KIZ: variants seen among roughly 807,000 people sequenced by gnomAD.
KIZ encodes kizuna centrosomal protein.
In KIZ, 68 loss-of-function variants were observed where a neutral mutation model predicts 79.6. The ratio of observed to expected loss-of-function variants is 0.85; its 90% confidence interval spans 0.70 to 1.05. KIZ has a LOEUF of 1.05. Among genes scored for constraint, KIZ ranks in the 50% least tolerant of loss-of-function variants. The probability of loss-of-function intolerance (pLI) is 0.00; values close to 1 mark genes in which losing one functional copy is unlikely to be tolerated. For synonymous variants in KIZ, 280 were observed against 281.8 expected, an observed-to-expected ratio of 0.99 and a Z score of 0.06; for missense variants, 797 against 800.4, an observed-to-expected ratio of 1.00 and a Z score of 0.05.
Position 21,145,643 on chromosome 20 carries a change from G to A in KIZ, c.394G>A (p.Asp132Asn), listed in dbSNP as rs1319541120. 41 of 1,486,548 alleles carry A rather than the reference G, an allele frequency of 2.8e-5. No homozygotes were observed. Among genetic ancestry groups the A allele is most frequent in the Non-Finnish European group, 3.5e-5 (38 of 1,096,704 alleles). The allele number at this position is 1,486,548 out of a possible 1,614,324, so 92.1% of individuals were successfully genotyped here. The change falls in exon 4 of 13, where the codon GAC becomes AAC. Residue 132 changes from aspartate to asparagine, a missense_variant. By Grantham distance (23) the Asp-to-Asn change is conservative. Coordinates refer to ENST00000619189, the MANE Select transcript of KIZ (RefSeq NM_018474.6). ...ACTAAAAGAGGAACTGACAGATGAA[G>A]ACAGAGAAAAGGTAATAAACTAAAT... is the stretch of plus-strand genomic sequence containing the variant. ...LGLKEELTDE[D>N]REKVAVHEGI...
At chr20:21,126,028 C>G, upstream of KIZ, 2 of 1,358,082 alleles carry the variant, frequency 1.5e-6, no homozygotes, top group African/African-American at 1.5e-5. Flanking sequence ...CGGTGTTTAC[C>G]CGCGGTGCAT....
chr20:21,127,338 C>T (rs967933608), intron 1 of KIZ, among the ~76,000 whole-genome samples: 1 of 152,182 alleles, frequency 6.6e-6, no homozygotes, highest in Non-Finnish European at 1.5e-5. Context: ...TGTTTCAACC[C>T]ATTCCCTAAC....
At chr20:21,215,464 A>C in intron 8 of KIZ, 119 bp from the exon 9 acceptor site, 1 of 492,564 alleles carries the variant, frequency 2.0e-6, no homozygotes, top group Non-Finnish European at 3.7e-6. Flanking sequence ...GTATTGTTTC[A>C]GACAAGAAAT....
chr20:21,128,629 A>C (rs1050902623), intron 1 of KIZ, among the ~76,000 whole-genome samples: 1 of 152,214 alleles, frequency 6.6e-6, no homozygotes, highest in African/African-American at 2.4e-5. Context: ...TTTTTTCTGC[A>C]TTGTGGTGAA....
intron 9 of KIZ, among the ~76,000 whole-genome samples, chr20:21,221,682 G>A (rs1450558033): frequency 6.6e-6 from 1 of 152,178 alleles, no homozygotes; most frequent in East Asian, 1.9e-4. Context: ...CTTTCCAGGA[G>A]GTCAGTATAG....
chr20:21,230,266 G>A (rs1385763411), intron 10 of KIZ, among the ~76,000 whole-genome samples: 2 of 152,206 alleles, frequency 1.3e-5, no homozygotes, highest in Non-Finnish European at 2.9e-5. Context: ...CTTGAGGCCA[G>A]GAGTGCGAGA....
chr20:21,213,889 C>T (rs1043887883), intron 7 of KIZ: 1 of 152,102 alleles, frequency 6.6e-6, no homozygotes, highest in African/African-American at 2.4e-5. Flanking sequence ...GGTGAGTTTC[C>T]CCAGATCCCC....
At chr20:21,163,182 T>C (rs780426554) in intron 6 of KIZ, 23 bp downstream of exon 6, 62 of 1,514,560 alleles carry the variant, frequency 4.1e-5, no homozygotes, top group Non-Finnish European at 5.5e-5. Context: ...ATTTTTTTTT[T>C]CTACTGTTCT....
At chr20:21,151,303 A>C (rs2033104106) in intron 4 of KIZ, 1 of 152,138 alleles carries the variant, frequency 6.6e-6, no homozygotes, top group African/African-American at 2.4e-5. Context: ...CATAGTCAAG[A>C]AGGAAAGACA....
intron 7 of KIZ, among the ~76,000 whole-genome samples, chr20:21,212,819 G>A (rs575726896): frequency 6.6e-6 from 1 of 152,216 alleles, no homozygotes; most frequent in South Asian, 2.1e-4. Flanking sequence ...AGTGGTCTGT[G>A]TAGGCAGTTG....
chr20:21,193,522 TG>T (rs1482696799), intron 6 of KIZ, among the ~76,000 whole-genome samples: 1 of 152,034 alleles, frequency 6.6e-6, no homozygotes, highest in African/African-American at 2.4e-5. Flanking sequence ...CCCAAAGGAT[TG>T]TAAGTCATGC....
chr20:21,212,950 A>G (rs2036130386), intron 7 of KIZ, among the ~76,000 whole-genome samples: 1 of 152,186 alleles, frequency 6.6e-6, no homozygotes. Context: ...CAGTGGAGTG[A>G]AATCTAGGGA....
intron 3 of KIZ, chr20:21,139,091 T>G (rs2032370485): frequency 6.6e-6 from 1 of 151,316 alleles, no homozygotes; most frequent in South Asian, 2.1e-4. Context: ...TTTTTTTTTT[T>G]TAATGTTATG....
intron 6 of KIZ, chr20:21,195,310 G>A (rs1340188256): frequency 6.6e-6 from 1 of 152,272 alleles, no homozygotes; most frequent in Non-Finnish European, 1.5e-5. Context: ...TGTCGGAGGA[G>A]TGCAGATGCA....
chr20:21,178,458 A>T (rs1257707676), intron 6 of KIZ, among the ~76,000 whole-genome samples: 1 of 150,530 alleles, frequency 6.6e-6, no homozygotes, highest in Non-Finnish European at 1.5e-5. Context: ...TTCATTTATT[A>T]ATTCTAACAG....
At chr20:21,199,292 G>A (rs1012250194) in intron 6 of KIZ, among the ~76,000 whole-genome samples, 10 of 152,170 alleles carry the variant, frequency 6.6e-5, no homozygotes, top group African/African-American at 2.4e-4. Context: ...GTGTAAATCA[G>A]TCTTCCATAA....
At chr20:21,201,332 T>A (rs1245430069) in intron 6 of KIZ, among the ~76,000 whole-genome samples, 1 of 152,228 alleles carries the variant, frequency 6.6e-6, no homozygotes, top group Non-Finnish European at 1.5e-5. Context: ...CTGGAAAACA[T>A]TTTAATATAA....
chr20:21,136,321 A>C, intron 2 of KIZ, 69 bp from the exon 3 acceptor site: 1 of 928,930 alleles, frequency 1.1e-6, no homozygotes, highest in Non-Finnish European at 1.6e-6. Flanking sequence ...AATTTTGATG[A>C]AGAAAATTCC....
At chr20:21,167,092 C>T (rs1177505249) in intron 6 of KIZ, among the ~76,000 whole-genome samples, 1 of 152,212 alleles carries the variant, frequency 6.6e-6, no homozygotes. Flanking sequence ...TTAGATGAGA[C>T]TGCATCTCCA....
Sources: gnomAD v4.1 joint callset for allele counts (sites outside exome capture counted in the v4.1 genomes callset) on GRCh38, gnomAD v4.1.1 for gene constraint, MANE v1.5 for transcripts, NCBI Gene and HGNC (gene_info 2026-07-23, HGNC 2026-07-21) for gene names.